The following LDB2 variants were observed in gnomAD, a reference collection of about 807,000 sequenced individuals.
LDB2 encodes LIM domain-binding protein 2.
LDB2 carries 12 observed loss-of-function variants against 44.3 expected under a neutral mutation model. The observed-to-expected ratio is 0.27, with a 90% CI of 0.17 to 0.44. The LOEUF (loss-of-function observed/expected upper bound fraction) is 0.44. Ranked by LOEUF, LDB2 falls within the 20% of genes least tolerant of loss-of-function variation. LDB2 has a pLI of 1.00. For missense variants in LDB2, 344 were observed against 473.5 expected (o/e 0.73, Z 2.54); for synonymous variants, 164 against 174.8 (o/e 0.94, Z 0.49).
intron 5 of LDB2, among the ~76,000 whole-genome samples, chr4:16,526,425 C>T (rs1728256556): frequency 1.3e-5 from 2 of 152,196 alleles, no homozygotes; most frequent in Non-Finnish European, 2.9e-5. Flanking sequence ...AGCTTTGAGA[C>T]TTGCCATGAG....
At chr4:16,589,219 A>T (rs908784599) in intron 3 of LDB2, among the ~76,000 whole-genome samples, 2 of 152,218 alleles carry the variant, frequency 1.3e-5, no homozygotes, top group African/African-American at 4.8e-5. Flanking sequence ...AATCTTGGTT[A>T]TCCTGCTCTA....
In LDB2 at chr4:16,615,973, A is replaced by T. The variant is rs147239269; in HGVS notation, c.236-20098T>A. ...CAGGTCTCTTGTTGGATAAATGGGA[A>T]TTAGAACAGAAGCAACCTCATGGGG... On this transcript the variant is annotated intron_variant, in intron 2 of 7. Transcript: ENST00000304523. 3.9e-3 allele frequency among the ~76,000 whole-genome samples: 596 copies of T among 152,294 alleles called. 1 individual carries two copies. The highest frequency in any genetic ancestry group is 0.014 in the African/African-American group (566 of 41,560).
chr4:16,523,072 A>G (rs1044739236), intron 5 of LDB2, among the ~76,000 whole-genome samples: 11 of 152,212 alleles, frequency 7.2e-5, no homozygotes, highest in African/African-American at 2.7e-4. Context: ...CTGTCACTAT[A>G]TTAGTCAGGA....
intron 1 of LDB2, among the ~76,000 whole-genome samples, chr4:16,838,690 C>T (rs1443870483): frequency 6.6e-6 from 1 of 152,174 alleles, no homozygotes; most frequent in Non-Finnish European, 1.5e-5. Context: ...TTGGCTCAAC[C>T]ATTTCTCTGC....
intron 7 of LDB2, chr4:16,506,591 T>G (rs1293279919): frequency 1.3e-5 from 2 of 152,398 alleles, no homozygotes; most frequent in East Asian, 3.9e-4. Flanking sequence ...TACTCTCAAC[T>G]TCTACAACCA....
At chr4:16,869,551 A>G (rs1181399892) in intron 1 of LDB2, among the ~76,000 whole-genome samples, 2 of 152,202 alleles carry the variant, frequency 1.3e-5, no homozygotes, top group African/African-American at 2.4e-5. Context: ...ATCAACGTGC[A>G]TTTACAAATG....
intron 1 of LDB2, among the ~76,000 whole-genome samples, chr4:16,818,681 C>T (rs1016802388): frequency 2.6e-5 from 4 of 152,132 alleles, no homozygotes; most frequent in Admixed American, 2.6e-4. Context: ...AAAATAAGTA[C>T]AGTAAGGCTT....
intron 2 of LDB2, among the ~76,000 whole-genome samples, chr4:16,758,577 G>A (rs1162623639): frequency 6.6e-6 from 1 of 152,160 alleles, no homozygotes; most frequent in South Asian, 2.1e-4. Flanking sequence ...GGTGCCACAC[G>A]CTGTAATTTG....
At chr4:16,802,564 TA>T (rs1307827644) in intron 1 of LDB2, among the ~76,000 whole-genome samples, 4 of 152,144 alleles carry the variant, frequency 2.6e-5, no homozygotes, top group Admixed American at 2.6e-4. Flanking sequence ...CAAAAGGGAT[TA>T]AAAGAAACAC....
intron 2 of LDB2, among the ~76,000 whole-genome samples, chr4:16,753,373 A>G (rs779078110): frequency 6.6e-6 from 1 of 152,236 alleles, no homozygotes; most frequent in East Asian, 1.9e-4. Context: ...TTAGGGGAAC[A>G]TGTCCAAATA....
At chr4:16,660,359 T>A (rs1741220373) in intron 2 of LDB2, among the ~76,000 whole-genome samples, 1 of 152,132 alleles carries the variant, frequency 6.6e-6, no homozygotes, top group Non-Finnish European at 1.5e-5. Context: ...TGAAACTCAA[T>A]GTCCATACTT....
At chr4:16,658,314 C>T (rs1740493807) in intron 2 of LDB2, among the ~76,000 whole-genome samples, 1 of 152,162 alleles carries the variant, frequency 6.6e-6, no homozygotes. Flanking sequence ...ACTGTGAATT[C>T]CTTGAAGGCA....
intron 5 of LDB2, among the ~76,000 whole-genome samples, chr4:16,535,246 A>G (rs1189516495): frequency 2.0e-5 from 3 of 152,194 alleles, no homozygotes; most frequent in African/African-American, 7.2e-5. Flanking sequence ...GATACAATAT[A>G]AAAGGCACAG....
chr4:16,563,613 T>A (rs927419491), intron 5 of LDB2, among the ~76,000 whole-genome samples: 3 of 147,838 alleles, frequency 2.0e-5, no homozygotes, highest in Non-Finnish European at 3.0e-5. Flanking sequence ...CACGCCTGGC[T>A]AATTTTTTTT....
intron 2 of LDB2, among the ~76,000 whole-genome samples, chr4:16,683,476 T>C (rs917341599): frequency 2.0e-5 from 3 of 152,230 alleles, no homozygotes; most frequent in African/African-American, 7.2e-5. Flanking sequence ...ATAAAACTTA[T>C]CTGTAAAAGA....
chr4:16,518,388 TG>T (rs2152265971), intron 5 of LDB2, among the ~76,000 whole-genome samples: 1 of 152,290 alleles, frequency 6.6e-6, no homozygotes. Flanking sequence ...CCATGTTTTT[TG>T]TGTGACATCC....
chr4:16,563,069 G>C (rs1743010564), intron 5 of LDB2, among the ~76,000 whole-genome samples: 9 of 151,698 alleles, frequency 5.9e-5, no homozygotes, highest in African/African-American at 2.2e-4. Flanking sequence ...ACTGTTGTGG[G>C]GTGGGGGGAG....
intron 1 of LDB2, among the ~76,000 whole-genome samples, chr4:16,869,644 G>A (rs970928001): frequency 3.9e-5 from 6 of 152,084 alleles, no homozygotes; most frequent in East Asian, 1.9e-4. Flanking sequence ...TCAGTACTTG[G>A]GCCTGAAATC....
chr4:16,554,812 G>C (rs1250567627), intron 5 of LDB2, among the ~76,000 whole-genome samples: 4 of 152,180 alleles, frequency 2.6e-5, no homozygotes, highest in South Asian at 4.1e-4. Context: ...TTAGGGCAGT[G>C]AAATTGCTCT....
Sources: gnomAD v4.1 joint callset for allele counts (sites outside exome capture counted in the v4.1 genomes callset) on GRCh38, gnomAD v4.1.1 for gene constraint, MANE v1.5 for transcripts, NCBI Gene and HGNC (gene_info 2026-07-23, HGNC 2026-07-21) for gene names.